The following PARP2 variants were observed in gnomAD, a reference collection of about 807,000 sequenced individuals.
PARP2 encodes the protein poly [ADP-ribose] polymerase 2.
Under a neutral mutation model 77.8 loss-of-function variants are expected in PARP2, and 57 were observed. That is an observed-to-expected ratio of 0.73 (90% CI 0.59 to 0.91). PARP2 has a LOEUF of 0.91. Among genes scored for constraint, PARP2 ranks in the 40% least tolerant of loss-of-function variants. PARP2 has a pLI of 0.00. For missense variants in PARP2, 651 were observed against 689.0 expected, an observed-to-expected ratio of 0.94 and a Z score of 0.62; for synonymous variants, 226 against 242.6, an observed-to-expected ratio of 0.93 and a Z score of 0.64.
chr14:20,354,782 G>T (rs754915323), intron 8 of PARP2, 27 bp from the exon 9 acceptor site: 3 of 1,594,422 alleles, frequency 1.9e-6, no homozygotes, highest in Admixed American at 1.8e-5. Flanking sequence ...TCCTAGTTTG[G>T]AGTCTGATCT....
At chr14:20,347,356 G>T (rs758975087) in intron 4 of PARP2, among the ~76,000 whole-genome samples, 45 of 29,560 alleles carry the variant, frequency 1.5e-3, no homozygotes, top group Non-Finnish European at 2.1e-3. Context: ...ATGTGTGTGT[G>T]TATATATATA....
intron 4 of PARP2, among the ~76,000 whole-genome samples, chr14:20,347,846 ACT>A (rs751318801): frequency 6.7e-6 from 1 of 150,214 alleles, no homozygotes. Context: ...GAAATTGTTA[ACT>A]CTCTGTTCAT....
chr14:20,357,380 G>T lies in PARP2; in HGVS notation c.1429-16G>T. ...CTTAGTAGGATATGGGAATTCAAAGGTTTTTTGCTTTGCAGGTAGCTCTAG... is the reference window on the plus strand; with the variant it reads ...CTTAGTAGGATATGGGAATTCAAAGTTTTTTTGCTTTGCAGGTAGCTCTAG... On this transcript the variant is annotated splice_polypyrimidine_tract_variant and intron_variant, in intron 14 of 15. Coordinates refer to ENST00000429687, the MANE Select transcript of PARP2 (RefSeq NM_001042618.2). The T allele has an allele frequency of 6.3e-7, 1 of 1,586,408 alleles. No individual in the cohort carries two copies. The highest frequency in any genetic ancestry group is 8.5e-7 in the Non-Finnish European group (1 of 1,169,848).
rs781471821 is a variant in PARP2 at position 20,354,815 on chromosome 14, TG to T, written c.771del (p.Thr258GlnfsTer50). ...YNTKKAPLGKLTVAQIKAGYQ... is the reference protein window; with the variant it reads ...YNTKKAPLGKXTVAQIKAGYQ... ...TCTCTGGGTGGGCCTGCAGGGAAGC[TG>T]ACAGTGGCACAAATCAAGGCAGGTT... On this transcript the variant is annotated frameshift_variant, in exon 9 of 16. Coordinates refer to ENST00000429687, the MANE Select transcript of PARP2 (RefSeq NM_001042618.2). LOFTEE classifies it high-confidence loss of function. 19 of 1,612,354 alleles carry T rather than the reference TG, an allele frequency of 1.2e-5. No individual in the cohort carries two copies. Among genetic ancestry groups the T allele is most frequent in the African/African-American group, 2.7e-5 (2 of 74,858 alleles).
chr14:20,357,366 A>G, intron 14 of PARP2, 30 bp from the exon 15 acceptor site: 1 of 1,579,744 alleles, frequency 6.3e-7, no homozygotes, highest in Non-Finnish European at 8.6e-7. Flanking sequence ...TTAGTAGGAT[A>G]TGGGAATTCA....
chr14:20,356,701 T>G lies in PARP2; in HGVS notation c.1329+12T>G, dbSNP rs1438198921. ...TCACAGGTTACATGGTGAGTGAAAT[T>G]GAACTCTGGGAGGAGCACAGGGGAA... On this transcript the variant is annotated intron_variant, in intron 13 of 15. Coordinates refer to ENST00000429687, the MANE Select transcript of PARP2 (RefSeq NM_001042618.2). The G allele has an allele frequency of 6.3e-7, 1 of 1,589,866 alleles. No individual in the cohort carries two copies. The highest frequency in any genetic ancestry group is 1.1e-5 in the South Asian group (1 of 90,524).
chr14:20,350,813 A>G, intron 5 of PARP2, 191 bp downstream of exon 5: 1 of 605,928 alleles, frequency 1.7e-6, no homozygotes, highest in East Asian at 2.7e-5. Flanking sequence ...TCCCACTGGA[A>G]AAACTAAGAG....
intron 4 of PARP2, among the ~76,000 whole-genome samples, chr14:20,347,366 A>G (rs1277290158): frequency 0.031 from 282 of 9,018 alleles, 8 homozygotes; most frequent in African/African-American, 0.038. Context: ...GTATATATAT[A>G]TATATATATA....
chr14:20,352,147 T>TGTAAAGGA, intron 6 of PARP2, 98 bp from the exon 7 acceptor site: 1 of 681,568 alleles, frequency 1.5e-6, no homozygotes, highest in Non-Finnish European at 2.6e-6. Context: ...AGGAGCTCAG[T>TGTAAAGGA]GCTGGAAAAT....
chr14:20,353,972 C>G, intron 7 of PARP2, 113 bp from the exon 8 acceptor site: 1 of 799,088 alleles, frequency 1.3e-6, no homozygotes, highest in East Asian at 2.6e-5. Context: ...ATTCCCTAGA[C>G]AGTGCAATAT....
intron 4 of PARP2, among the ~76,000 whole-genome samples, chr14:20,347,376 A>G (rs1566418350): frequency 0.013 from 176 of 13,244 alleles, 8 homozygotes; most frequent in African/African-American, 0.034. Context: ...ATATATATAT[A>G]TATATATATA....
rs774442154 is a variant in PARP2 at position 20,345,464 on chromosome 14, G to A, written c.273G>A (p.Lys91=). The A allele has an allele frequency of 3.7e-6, 6 of 1,611,598 alleles. No individual in the cohort carries two copies. The South Asian group carries it at 6.6e-5, about 18-fold the overall frequency. The change falls in exon 3 of 16, where the codon AAG becomes AAA. Residue 91 remains lysine, a splice_region_variant and synonymous_variant. Transcript: ENST00000429687. The part of the protein sequence containing the change: ...VDPECTAKVG[K]AHVYCEGNDV... ...CAGAGTGTACAGCCAAGGTGGGGAA[G>A]GTAAGAGACTCTGGAACCGATCTTC...
At chr14:20,352,382 C>A in intron 7 of PARP2, 35 bp downstream of exon 7, 2 of 1,267,378 alleles carry the variant, frequency 1.6e-6, no homozygotes, top group Non-Finnish European at 2.3e-6. Flanking sequence ...AGAAACACAT[C>A]TTCTTTTTTT....
chr14:20,348,778 G>C (rs1181178149), intron 4 of PARP2, among the ~76,000 whole-genome samples: 7 of 152,254 alleles, frequency 4.6e-5, no homozygotes, highest in African/African-American at 1.4e-4. Flanking sequence ...CCAGCACTTT[G>C]GGAGGCTGAG....
In PARP2 at chr14:20,355,887, A is replaced by G. The variant is rs967655921; in HGVS notation, c.967-10A>G. 6.2e-7 allele frequency: 1 copy of G among 1,613,468 alleles called. No individual in the cohort carries two copies. The highest frequency in any genetic ancestry group is 2.2e-5 in the East Asian group (1 of 44,876). ...TCCTCCCACATTGATTCTATATCTC[A>G]TCTTCTCAGGCTTTGGGAGACATTG... On this transcript the variant is annotated splice_polypyrimidine_tract_variant and intron_variant, in intron 10 of 15. Coordinates refer to ENST00000429687, the MANE Select transcript of PARP2 (RefSeq NM_001042618.2).
At chr14:20,346,321 C>CTTTTTTTTTTTTTTTTTTTT (rs71108595) in intron 3 of PARP2, among the ~76,000 whole-genome samples, 1 of 90,858 alleles carries the variant, frequency 1.1e-5, no homozygotes, top group Non-Finnish European at 2.0e-5. Context: ...CAGTTAGAAT[C>CTTTTTTTTTTTTTTTTTTTT]TTTTTTTTTT....
rs766895492 is a variant in PARP2, at chr14:20,356,605, T to C, written c.1245T>C (p.His415=). The C allele has an allele frequency of 8.1e-6, 13 of 1,613,902 alleles. No individual in the cohort carries two copies. In the East Asian group the frequency reaches 2.5e-4, roughly 30 times the overall value. ...TTTTCCTTAGGATGCTTCTATGGCA[T>C]GGTTCCAGGATGAGTAACTGGGTGG... is the stretch of plus-strand genomic sequence containing the variant. ...EDLHNRMLLW[H]GSRMSNWVGI... Residue 415 remains histidine, a synonymous_variant, in exon 13 of 16, where the codon CAT becomes CAC. Transcript: ENST00000429687.
At chr14:20,351,172 T>C in intron 6 of PARP2, 50 bp downstream of exon 6, 2 of 1,455,610 alleles carry the variant, frequency 1.4e-6, no homozygotes, top group African/African-American at 1.4e-5. Context: ...TCTTCTTAGA[T>C]GTATATTCTC....
intron 9 of PARP2, 22 bp from the exon 10 acceptor site, chr14:20,355,730 T>C (rs757121122): frequency 1.2e-6 from 2 of 1,602,496 alleles, no homozygotes; most frequent in Admixed American, 3.3e-5. Context: ...AAGCTCATTA[T>C]GGGTTATATC....
Sources: allele counts gnomAD v4.1 joint callset (sites outside exome capture counted in the v4.1 genomes callset), GRCh38; gene constraint gnomAD v4.1.1; transcripts MANE v1.5; gene names NCBI Gene and HGNC (gene_info 2026-07-23, HGNC 2026-07-21).